NCOR2: variants seen among roughly 807,000 people sequenced by gnomAD.
The protein encoded by NCOR2 is nuclear receptor corepressor 2, also known as CTG repeat protein 26.
In NCOR2, 81 loss-of-function variants were observed where a neutral mutation model predicts 262.9. The ratio of observed to expected loss-of-function variants is 0.31; its 90% confidence interval spans 0.26 to 0.37. The LOEUF (loss-of-function observed/expected upper bound fraction) is 0.37. Ranked by LOEUF, NCOR2 falls within the 10% of genes least tolerant of loss-of-function variation. NCOR2 has a pLI of 1.00. For missense variants in NCOR2, 3,385 were observed against 3,621.4 expected (o/e 0.93, Z 1.68); for synonymous variants, 1,659 against 1,559.3 (o/e 1.06, Z -1.51).
At chr12:124,335,561 G>T (rs1407497417) in exon 39 of NCOR2, 18 of 1,609,248 alleles carry the variant, frequency 1.1e-5, no homozygotes, top group Non-Finnish European at 1.4e-5. Context: ...CCCTTGTCGT[G>T]GGTCAGACTG....
chr12:124,373,563 C>T (rs549502333), intron 19 of NCOR2, among the ~76,000 whole-genome samples: 2 of 109,704 alleles, frequency 1.8e-5, no homozygotes, highest in African/African-American at 8.6e-5. Flanking sequence ...GCAGGGGCCC[C>T]GGGCACAGTG....
chr12:124,460,584 T>C (rs980557521), intron 5 of NCOR2, among the ~76,000 whole-genome samples: 2 of 152,166 alleles, frequency 1.3e-5, no homozygotes, highest in African/African-American at 4.8e-5. Context: ...GCCCCCTCCA[T>C]AGAGGTGGAT....
chr12:124,354,849 G>C (rs1250252045), exon 25 of NCOR2: 2 of 1,612,482 alleles, frequency 1.2e-6, no homozygotes, highest in Non-Finnish European at 1.7e-6. Flanking sequence ...AGCTTTTTGG[G>C]GTCCATGGGC....
At chr12:124,421,864 A>G in intron 12 of NCOR2, among the ~76,000 whole-genome samples, 1 of 152,184 alleles carries the variant, frequency 6.6e-6, no homozygotes. Context: ...CGGCTTTACC[A>G]TTCTCTGGGG....
Position 124,482,531 on chromosome 12 carries a change from C to A in NCOR2, c.411+1065G>T, listed in dbSNP as rs1293200497. Among the ~76,000 whole-genome samples the A allele has an allele frequency of 2.0e-5, 3 of 152,208 alleles. No homozygotes were observed. Among genetic ancestry groups the A allele is most frequent in the Non-Finnish European group, 4.4e-5 (3 of 68,022 alleles). On this transcript the variant is annotated intron_variant, in intron 3 of 46. Transcript: ENST00000405201. The surrounding 1 kb of genome is among the most constrained non-coding windows in gnomAD (Gnocchi z 6.3). ...AAATAGTTCCCACGCATGGGGCCCA[C>A]AGCCGAGCCCTCTACCCACATGACC...
At chr12:124,402,621 G>A (rs2042044816) in intron 13 of NCOR2, 60 bp from the exon 16 acceptor site, 16 of 1,540,806 alleles carry the variant, frequency 1.0e-5, no homozygotes, top group Non-Finnish European at 1.4e-5. Context: ...GTGAACAGGT[G>A]AATCTCTGCA....
intron 1 of NCOR2, among the ~76,000 whole-genome samples, chr12:124,519,625 A>G (rs1397387629): frequency 2.6e-5 from 4 of 152,140 alleles, no homozygotes; most frequent in Non-Finnish European, 5.9e-5. Context: ...AAGTGGTCAG[A>G]TGGACTCTGG....
At chr12:124,496,200 A>G (rs1336595994), upstream of NCOR2, among the ~76,000 whole-genome samples, 1 of 151,814 alleles carries the variant, frequency 6.6e-6, no homozygotes, top group African/African-American at 2.4e-5. This position sits in a 1 kb window ranked among gnomAD's most constrained non-coding sequence, Gnocchi z 4.4. Context: ...CCTACTCCGA[A>G]GCTGCCTTTG....
At position 124,451,318 on chromosome 12, in the gene NCOR2, A is replaced by G. The variant is rs535423602; in HGVS notation, c.763-1451T>C. On this transcript the variant is annotated intron_variant, in intron 6 of 46. Transcript: ENST00000405201. ...CTTCCAGACAGGTGAGAAACAGTGA[A>G]CAGTTGCTGCTTCAAGCCTCTAAAT... Among the ~76,000 whole-genome samples, 484 of 152,336 alleles carry G rather than the reference A, an allele frequency of 3.2e-3. 4 individuals are homozygous for G. The highest frequency in any genetic ancestry group is 0.01 in the African/African-American group (425 of 41,574).
intron 29 of NCOR2, 85 bp downstream of exon 31, chr12:124,348,089 T>C: frequency 1.9e-6 from 3 of 1,584,250 alleles, no homozygotes; most frequent in Non-Finnish European, 2.6e-6. Context: ...CCAGCCTCGG[T>C]TTCCCCATCT....
intron 13 of NCOR2, among the ~76,000 whole-genome samples, chr12:124,413,883 G>A (rs1412632578): frequency 1.3e-5 from 2 of 152,120 alleles, no homozygotes; most frequent in South Asian, 2.1e-4. Context: ...GGGACACATG[G>A]CAGGGGAAGA....
At chr12:124,325,490 C>A in exon 47 of NCOR2, 1 of 1,349,036 alleles carries the variant, frequency 7.4e-7, no homozygotes, top group Non-Finnish European at 9.5e-7. Context: ...AGCGAGGGGC[C>A]CGCTGCCCGC....
intron 1 of NCOR2, among the ~76,000 whole-genome samples, chr12:124,559,170 C>G (rs1167248701): frequency 6.6e-6 from 1 of 152,224 alleles, no homozygotes; most frequent in Admixed American, 6.5e-5. Flanking sequence ...TTACCTTTCC[C>G]CCCACTTCCT....
chr12:124,377,581 G>C (rs2040103373), intron 18 of NCOR2, among the ~76,000 whole-genome samples: 1 of 152,154 alleles, frequency 6.6e-6, no homozygotes. Flanking sequence ...ACTCACACCT[G>C]TAATTCCAGC....
intron 5 of NCOR2, among the ~76,000 whole-genome samples, chr12:124,458,663 C>G (rs1019786933): frequency 1.3e-5 from 2 of 152,182 alleles, no homozygotes; most frequent in African/African-American, 4.8e-5. Flanking sequence ...CAGGAGTAGC[C>G]CCATCTCACA....
At chr12:124,557,200 G>A (rs560969840) in intron 1 of NCOR2, among the ~76,000 whole-genome samples, 2 of 152,244 alleles carry the variant, frequency 1.3e-5, no homozygotes, top group Non-Finnish European at 2.9e-5. Context: ...CCAGTGAAGA[G>A]CCAGCTGTGA....
chr12:124,421,916 G>T lies in NCOR2; in HGVS notation c.1383+585C>A, dbSNP rs556727157. On this transcript the variant is annotated intron_variant, in intron 12 of 46. Transcript: ENST00000405201. ...GGCCACCTGGAGCTGCTCCGGGCCT[G>T]GGCTTGACACAAAGTGGGCTTTAGG... Among the ~76,000 whole-genome samples, 305 of 152,346 alleles carry T rather than the reference G, an allele frequency of 2.0e-3. 1 individual carries two copies. The highest frequency in any genetic ancestry group is 6.7e-3 in the African/African-American group (278 of 41,582).
chr12:124,502,503 T>G lies in NCOR2; in HGVS notation c.-117-7135A>C, dbSNP rs901154561. Reference sequence around the variant, plus strand: ...GGTGCGTCACCAGAGGTGCCTTTTATGCAAAGGCGCCGGGGAGAGGAGGGA... The same window carrying G: ...GGTGCGTCACCAGAGGTGCCTTTTAGGCAAAGGCGCCGGGGAGAGGAGGGA... On this transcript the variant is annotated intron_variant, in intron 1 of 46. Transcript: ENST00000404621. 1.1e-4 allele frequency among the ~76,000 whole-genome samples: 16 copies of G among 152,190 alleles called. No homozygotes were observed. In the East Asian group the frequency reaches 2.9e-3, roughly 28 times the overall value.
intron 20 of NCOR2, among the ~76,000 whole-genome samples, chr12:124,364,957 G>A (rs569421858): frequency 2.7e-5 from 4 of 150,524 alleles, no homozygotes; most frequent in African/African-American, 7.3e-5. Context: ...CCGTGTTTGC[G>A]GGTATGGAGG....
Sources: gnomAD v4.1 joint callset for allele counts (sites outside exome capture counted in the v4.1 genomes callset) on GRCh38, gnomAD v4.1.1 for gene constraint, Gnocchi (gnomAD v3.1) non-coding constraint, MANE v1.5 for transcripts, NCBI Gene and HGNC (gene_info 2026-07-23, HGNC 2026-07-21) for gene names.